Variants in CCDC167 observed in about 807,000 individuals in gnomAD.
CCDC167 encodes coiled-coil domain containing 167, also known as coiled-coil domain-containing protein 167.
CCDC167 carries 15 observed loss-of-function variants against 12.7 expected under a neutral mutation model. The observed-to-expected ratio is 1.18, with a 90% CI of 0.79 to 1.81. CCDC167 has a LOEUF of 1.81. Among genes scored for constraint, CCDC167 ranks in the 40% most tolerant of loss-of-function variants. CCDC167 has a pLI of 0.00. For missense variants in CCDC167, 121 were observed against 120.1 expected (o/e 1.01, Z -0.03); for synonymous variants, 52 against 49.0 (o/e 1.06, Z -0.26).
chr6:37,484,888 A>G, intron 2 of CCDC167, 26 bp from the exon 3 acceptor site: 1 of 1,614,098 alleles, frequency 6.2e-7, no homozygotes, highest in Non-Finnish European at 8.5e-7. Flanking sequence ...AGCTTCATGG[A>G]CCAAACCCTT....
rs1404507736 is a variant in CCDC167, at chr6:37,490,195, G to GGCGCTGTGTGAA, written c.43-5013_43-5002dup. On this transcript the variant is annotated intron_variant, in intron 1 of 3. Coordinates refer to ENST00000373408, the MANE Select transcript of CCDC167 (RefSeq NM_138493.3). ...TCTGGCCCAGCCTGAGCCCTGGGGA[G>GGCGCTGTGTGAA]GCGCTGTGTGAAGCCCTGTGTGAGC... Among the ~76,000 whole-genome samples the GGCGCTGTGTGAA allele has an allele frequency of 2.0e-5, 3 of 152,340 alleles. No individual in the cohort carries two copies. The East Asian group carries it at 5.8e-4, about 29-fold the overall frequency.
In CCDC167 at chr6:37,483,194, T is replaced by C; in HGVS notation, c.286A>G (p.Thr96Ala). The stretch of plus-strand genomic sequence containing the variant: ...GTGGGGAAGTGCCAGGCTCACATGG[T>C]CCAGTAGGCATAGACGAGCGTCAGG... ...ILLTLVYAYW[T>A]M is the part of the protein sequence containing the mutation. The change falls in exon 4 of 4, where the codon ACC becomes GCC. Residue 96 changes from threonine (T) to alanine (A), a missense_variant. Coordinates refer to ENST00000373408, the MANE Select transcript of CCDC167 (RefSeq NM_138493.3). 6.2e-7 allele frequency: 1 copy of C among 1,612,868 alleles called. No individual in the cohort carries two copies. Among genetic ancestry groups the C allele is most frequent in the Non-Finnish European group, 8.5e-7 (1 of 1,178,848 alleles).
chr6:37,485,990 G>T (rs975238387), intron 1 of CCDC167, among the ~76,000 whole-genome samples: 2 of 152,182 alleles, frequency 1.3e-5, no homozygotes, highest in African/African-American at 4.8e-5. Flanking sequence ...CCAAACCTGG[G>T]TTTTGGCATT....
At position 37,485,325 on chromosome 6, in the gene CCDC167, C is replaced by T. The variant is rs1761929204; in HGVS notation, c.43-131G>A. 3.1e-5 allele frequency: 21 copies of T among 671,610 alleles called. No individual in the cohort carries two copies. In the South Asian group the frequency reaches 3.6e-4, roughly 11 times the overall value. The allele number at this position is 671,610 out of a possible 1,614,324, so 41.6% of individuals were successfully genotyped here. A position where few individuals can be genotyped will look rare whatever the true frequency, so the allele number is the denominator to read the frequency against. On this transcript the variant is annotated intron_variant, in intron 1 of 3. Transcript: ENST00000373408. ...CCATTCGTTTTGGCAGGGCAGGGCA[C>T]CCAGGCCTGTCTTCCCTGGAGTGTC...
chr6:37,491,919 C>T (rs139911428), intron 1 of CCDC167, among the ~76,000 whole-genome samples: 15 of 152,308 alleles, frequency 9.8e-5, no homozygotes, highest in African/African-American at 2.2e-4. Flanking sequence ...TGGGCAGCCA[C>T]GTCTGTGCCC....
chr6:37,494,310 G>A (rs540335077), intron 1 of CCDC167, among the ~76,000 whole-genome samples: 3 of 152,110 alleles, frequency 2.0e-5, no homozygotes, highest in East Asian at 1.9e-4. Flanking sequence ...TGATCCGCCC[G>A]CCTGGGCCTC....
intron 1 of CCDC167, among the ~76,000 whole-genome samples, chr6:37,489,604 A>C (rs1350935155): frequency 6.6e-6 from 1 of 152,212 alleles, no homozygotes; most frequent in Non-Finnish European, 1.5e-5. Flanking sequence ...TCTGGGCATC[A>C]GTGGGCATCT....
chr6:37,496,364 C>G (rs1023388718), intron 1 of CCDC167, among the ~76,000 whole-genome samples: 3 of 152,004 alleles, frequency 2.0e-5, no homozygotes, highest in African/African-American at 7.3e-5. Context: ...ACCCGGGAGG[C>G]TGGAGGCTGC....
rs371852437 is a variant in CCDC167 at position 37,484,217 on chromosome 6, GT to G, written c.190+592del. ...TGGGGCTGATTCATGGCCAGGCCTG[GT>G]CCCCCAGGGGAGAACAGAACCGACA... On this transcript the variant is annotated intron_variant, in intron 3 of 3. Coordinates refer to ENST00000373408, the MANE Select transcript of CCDC167 (RefSeq NM_138493.3). Among the ~76,000 whole-genome samples the G allele has an allele frequency of 3.4e-4, 52 of 152,286 alleles. No individual in the cohort carries two copies. The South Asian group carries it at 0.01, about 30-fold the overall frequency.
rs543678383 is a variant in CCDC167, at chr6:37,499,255, T to G, written c.42+567A>C. 1.1e-4 allele frequency among the ~76,000 whole-genome samples: 17 copies of G among 152,358 alleles called. No individual in the cohort carries two copies. In the South Asian group the frequency reaches 2.9e-3, roughly 26 times the overall value. On this transcript the variant is annotated intron_variant, in intron 1 of 3. Transcript: ENST00000373408. ...TTCTTTCCCTTCTATATGCAGCAAA[T>G]TATTTTTAAGCCATTCAGTGACATC...
chr6:37,483,337 T>C (rs375548128), intron 3 of CCDC167, 48 bp from the exon 4 acceptor site: 202 of 1,258,162 alleles, frequency 1.6e-4, no homozygotes, highest in Admixed American at 2.7e-4. Context: ...TTTAGGCCCG[T>C]CTGTTCTGCT....
At chr6:37,490,360 G>A (rs1190319927) in intron 1 of CCDC167, among the ~76,000 whole-genome samples, 2 of 152,172 alleles carry the variant, frequency 1.3e-5, no homozygotes, top group African/African-American at 4.8e-5. Context: ...GAGACACAGA[G>A]CACAAAGGAA....
At chr6:37,496,400 C>T (rs956560072) in intron 1 of CCDC167, among the ~76,000 whole-genome samples, 4 of 152,054 alleles carry the variant, frequency 2.6e-5, no homozygotes, top group Non-Finnish European at 5.9e-5. Flanking sequence ...TGCCGCTGCA[C>T]TACAGCCTGG....
At chr6:37,486,011 C>T (rs1761938787) in intron 1 of CCDC167, among the ~76,000 whole-genome samples, 1 of 152,190 alleles carries the variant, frequency 6.6e-6, no homozygotes, top group Non-Finnish European at 1.5e-5. Flanking sequence ...GAAAGTCCAT[C>T]TCCCTGTGTC....
chr6:37,486,988 C>T (rs920274880), intron 1 of CCDC167, among the ~76,000 whole-genome samples: 4 of 151,630 alleles, frequency 2.6e-5, no homozygotes, highest in African/African-American at 9.7e-5. Flanking sequence ...TTCCCTGCTG[C>T]CCTTGGCTGT....
Position 37,485,100 on chromosome 6 carries a change from C to G in CCDC167, c.137G>C (p.Arg46Thr). The G allele has an allele frequency of 7.4e-6, 12 of 1,611,464 alleles. No individual in the cohort carries two copies. The highest frequency in any genetic ancestry group is 7.6e-6 in the Non-Finnish European group (9 of 1,179,490). Residue 46 changes from arginine (R) to threonine (T), a missense_variant and splice_region_variant, in exon 2 of 4, where the codon AGG becomes ACG. Arg to Thr is a moderately conservative substitution (Grantham distance 71, BLOSUM62 -1). Coordinates refer to ENST00000373408, the MANE Select transcript of CCDC167 (RefSeq NM_138493.3). The stretch of plus-strand genomic sequence containing the variant: ...TGGGGTGGCTGGGCAGGAGCATTAC[C>G]TGGCCTCTGGGCTCAGCTCCCGGCT... ...LHSRELSPEA[R>T]RSLEKEKNSL...
At chr6:37,498,043 T>C (rs931648) in intron 1 of CCDC167, among the ~76,000 whole-genome samples, 10,931 of 152,208 alleles carry the variant, frequency 0.072, 1,285 homozygotes, top group African/African-American at 0.24. Flanking sequence ...TCAATTTTTT[T>C]CCCACTGCTT....
intron 1 of CCDC167, among the ~76,000 whole-genome samples, chr6:37,498,850 T>G (rs1488270479): frequency 2.6e-5 from 4 of 151,746 alleles, no homozygotes; most frequent in African/African-American, 9.7e-5. Context: ...GATTCCTTGT[T>G]AAGAATGCAC....
intron 1 of CCDC167, among the ~76,000 whole-genome samples, chr6:37,491,098 G>C (rs1455410932): frequency 6.6e-6 from 1 of 152,034 alleles, no homozygotes; most frequent in Non-Finnish European, 1.5e-5. Context: ...CCCCACGGAG[G>C]CCTCACTGGG....
Sources: gnomAD v4.1 joint callset for allele counts (sites outside exome capture counted in the v4.1 genomes callset) on GRCh38, gnomAD v4.1.1 for gene constraint, MANE v1.5 for transcripts, NCBI Gene and HGNC (gene_info 2026-07-23, HGNC 2026-07-21) for gene names.